Variants in PCDHA10 observed in about 807,000 individuals in gnomAD.
The protein encoded by PCDHA10 is protocadherin alpha-10.
Under a neutral mutation model 61.2 loss-of-function variants are expected in PCDHA10, and 45 were observed. The observed-to-expected ratio is 0.74, with a 90% CI of 0.58 to 0.94. The LOEUF is 0.94. Ranked by LOEUF, PCDHA10 falls within the 40% of genes least tolerant of loss-of-function variation. The probability of loss-of-function intolerance (pLI) is 0.00; values close to 1 mark genes in which losing one functional copy is unlikely to be tolerated. For synonymous variants in PCDHA10, 602 were observed against 548.8 expected, an observed-to-expected ratio of 1.10 and a Z score of -1.35; for missense variants, 1,278 against 1,236.2, an observed-to-expected ratio of 1.03 and a Z score of -0.51.
At chr5:140,986,398 G>C (rs973049448) in intron 3 of PCDHA10, among the ~76,000 whole-genome samples, 1 of 152,174 alleles carries the variant, frequency 6.6e-6, no homozygotes, top group Non-Finnish European at 1.5e-5. Context: ...AGGGCCAGTC[G>C]CTCATGTTAC....
chr5:140,898,542 T>G (rs368410152), intron 1 of PCDHA10, among the ~76,000 whole-genome samples: 2 of 152,286 alleles, frequency 1.3e-5, no homozygotes, highest in East Asian at 3.9e-4. Context: ...CTGTTCCATT[T>G]ATCTATGTCT....
intron 1 of PCDHA10, chr5:140,863,096 G>A (rs1554157719): frequency 5.2e-6 from 3 of 578,170 alleles, no homozygotes; most frequent in South Asian, 1.4e-5. Flanking sequence ...AGCACGACGA[G>A]TACCCTGGAC....
intron 1 of PCDHA10, among the ~76,000 whole-genome samples, chr5:140,915,626 G>GTCTCTC (rs57920489): frequency 0.011 from 1,557 of 146,506 alleles, 25 homozygotes; most frequent in African/African-American, 0.018. Flanking sequence ...GTCTCTTTCT[G>GTCTCTC]TCTCTCTCTC....
intron 3 of PCDHA10, among the ~76,000 whole-genome samples, chr5:141,003,969 G>A (rs781827494): frequency 2.0e-5 from 3 of 152,158 alleles, no homozygotes; most frequent in Non-Finnish European, 4.4e-5. Flanking sequence ...GAGCATAAGG[G>A]AGGGGACTTG....
intron 1 of PCDHA10, among the ~76,000 whole-genome samples, chr5:140,887,879 A>G (rs956379948): frequency 1.3e-5 from 2 of 152,154 alleles, no homozygotes; most frequent in South Asian, 4.1e-4. Context: ...TTCCTTTTGT[A>G]GTATCATATC....
At chr5:140,901,927 A>C (rs2068986448) in intron 1 of PCDHA10, among the ~76,000 whole-genome samples, 1 of 151,764 alleles carries the variant, frequency 6.6e-6, no homozygotes. Context: ...TCTTTGGTTA[A>C]TTCCTAGGTA....
chr5:140,971,203 T>A (rs1586466173), intron 1 of PCDHA10, among the ~76,000 whole-genome samples: 2 of 152,308 alleles, frequency 1.3e-5, no homozygotes, highest in Middle Eastern at 6.8e-3. Context: ...GGAAAGACAC[T>A]GTTACCCTCC....
intron 1 of PCDHA10, chr5:140,877,640 G>T: frequency 6.2e-7 from 1 of 1,613,622 alleles, no homozygotes. Flanking sequence ...GCGCTGCGTT[G>T]CTCAGCGCCG....
At chr5:140,931,951 G>A (rs1366094994) in intron 1 of PCDHA10, among the ~76,000 whole-genome samples, 1 of 151,826 alleles carries the variant, frequency 6.6e-6, no homozygotes, top group Non-Finnish European at 1.5e-5. Flanking sequence ...GAGTCTTACA[G>A]AATCATGTTG....
chr5:140,888,077 A>T (rs575248983), intron 1 of PCDHA10, among the ~76,000 whole-genome samples: 2 of 152,238 alleles, frequency 1.3e-5, no homozygotes, highest in African/African-American at 4.8e-5. Flanking sequence ...TGCTAATTTC[A>T]ACATTTTTGT....
chr5:140,954,271 A>G (rs1284942355), intron 1 of PCDHA10, among the ~76,000 whole-genome samples: 2 of 152,140 alleles, frequency 1.3e-5, no homozygotes, highest in South Asian at 2.1e-4. Context: ...TTATAATAGG[A>G]TGATTTATAT....
chr5:140,877,707 G>A, intron 1 of PCDHA10: 2 of 1,614,062 alleles, frequency 1.2e-6, no homozygotes, highest in Non-Finnish European at 1.7e-6. Flanking sequence ...CCAGCGCCGT[G>A]GGGAGTTGGT....
chr5:140,967,888 G>A, intron 1 of PCDHA10: 1 of 1,614,138 alleles, frequency 6.2e-7, no homozygotes, highest in South Asian at 1.1e-5. Context: ...ATAGCCCAGT[G>A]CCTGAGAATG....
At chr5:140,966,900 G>A (rs376213042) in intron 1 of PCDHA10, 1 of 1,598,684 alleles carries the variant, frequency 6.3e-7, no homozygotes, top group Non-Finnish European at 8.5e-7. Flanking sequence ...TCCCAGCTGC[G>A]ATACTCTGTG....
At chr5:140,878,103 G>A (rs2153358436) in intron 1 of PCDHA10, 1 of 261,846 alleles carries the variant, frequency 3.8e-6, no homozygotes, top group East Asian at 7.9e-5. Context: ...GATGAACCTT[G>A]AAAAAAACAG....
chr5:140,902,615 G>C (rs2153477614), intron 1 of PCDHA10, among the ~76,000 whole-genome samples: 1 of 152,128 alleles, frequency 6.6e-6, no homozygotes, highest in Admixed American at 6.6e-5. Context: ...AGTTACATGG[G>C]TAAGTTATTT....
At chr5:140,941,185 CTTTT>C (rs782102770) in intron 1 of PCDHA10, among the ~76,000 whole-genome samples, 59 of 102,236 alleles carry the variant, frequency 5.8e-4, no homozygotes, top group South Asian at 3.1e-3. Context: ...CATCCTGCTT[CTTTT>C]TTTTTCTTTC....
At chr5:140,875,026 C>T (rs2055229265) in intron 1 of PCDHA10, among the ~76,000 whole-genome samples, 1 of 152,142 alleles carries the variant, frequency 6.6e-6, no homozygotes, top group South Asian at 2.1e-4. Flanking sequence ...TTCTGGCCTA[C>T]TGTATTTGAA....
At chr5:140,912,139 GTTC>G (rs2075787473) in intron 1 of PCDHA10, among the ~76,000 whole-genome samples, 1 of 152,162 alleles carries the variant, frequency 6.6e-6, no homozygotes. Context: ...ATCTCTCCAT[GTTC>G]TTCTGCCTGT....
Sources: allele counts gnomAD v4.1 joint callset (sites outside exome capture counted in the v4.1 genomes callset), GRCh38; gene constraint gnomAD v4.1.1; transcripts MANE v1.5; gene names NCBI Gene and HGNC (gene_info 2026-07-23, HGNC 2026-07-21).